PTPN12: variants seen among roughly 807,000 people sequenced by gnomAD.
PTPN12 encodes the protein protein tyrosine phosphatase non-receptor type 12.
A neutral mutation model predicts 97.6 loss-of-function variants in PTPN12; 29 were observed. The ratio of observed to expected loss-of-function variants is 0.30; its 90% CI spans 0.22 to 0.41. The LOEUF is 0.41. Ranked by LOEUF, PTPN12 falls within the 10% of genes least tolerant of loss-of-function variation. The pLI, the probability that PTPN12 is intolerant of heterozygous loss-of-function variation, is 1.00. For synonymous variants in PTPN12, 327 were observed against 300.4 expected (o/e 1.09, Z -0.91); for missense variants, 819 against 926.0 (o/e 0.88, Z 1.50).
chr7:77,599,928 G>C (rs776409722), intron 7 of PTPN12, among the ~76,000 whole-genome samples: 1 of 151,968 alleles, frequency 6.6e-6, no homozygotes, highest in Non-Finnish European at 1.5e-5. Context: ...TGTTTCTGGG[G>C]GTTGTATCTT....
At chr7:77,552,026 T>A (rs1807499991) in intron 1 of PTPN12, among the ~76,000 whole-genome samples, 1 of 152,232 alleles carries the variant, frequency 6.6e-6, no homozygotes. Flanking sequence ...GTTCAGATAT[T>A]TATCTCCACA....
chr7:77,555,775 C>T (rs990209025), intron 1 of PTPN12, among the ~76,000 whole-genome samples: 3 of 151,840 alleles, frequency 2.0e-5, no homozygotes, highest in Non-Finnish European at 2.9e-5. Flanking sequence ...ATTAGCTGGG[C>T]GTGGTGGTGG....
Position 77,626,991 on chromosome 7 carries a change from A to T in PTPN12, c.1312A>T (p.Ile438Phe). ...KKLERNLSFE[I>F]KKVPLQEGPK... ...ATTGGAACGAAATTTAAGTTTTGAG[A>T]TTAAGAAGGTCCCTCTCCAAGAGGG... Residue 438 changes from isoleucine to phenylalanine, a missense_variant, in exon 13 of 18, where the codon ATT becomes TTT. Physicochemically the swap from Ile to Phe is conservative, Grantham distance 21 (BLOSUM62 0). This residue lies in a region of PTPN12 where 607 missense variants were observed against 577.3 expected (regional missense o/e 1.05). Transcript: ENST00000248594. 1 of 1,609,878 alleles carries T rather than the reference A, an allele frequency of 6.2e-7. No individual in the cohort carries two copies. The highest frequency in any genetic ancestry group is 8.5e-7 in the Non-Finnish European group (1 of 1,178,748).
chr7:77,613,369 T>G (rs1345592228), intron 11 of PTPN12, among the ~76,000 whole-genome samples: 1 of 150,914 alleles, frequency 6.6e-6, no homozygotes, highest in African/African-American at 2.4e-5. Flanking sequence ...GAGACAGGGT[T>G]TCACCATGTT....
chr7:77,555,681 GAGGTGGGTGGATCGTGAGGTC>G (rs1438264198), intron 1 of PTPN12, among the ~76,000 whole-genome samples: 1 of 152,184 alleles, frequency 6.6e-6, no homozygotes, highest in Non-Finnish European at 1.5e-5. Context: ...TTGGGAGGCA[GAGGTGGGTGGATCGTGAGGTC>G]ATGAGATCGA....
rs11341609 is a variant in PTPN12, at chr7:77,582,084, CTTTTTTTTTTTT to C, written c.285+598_285+609del. Among the ~76,000 whole-genome samples, 108 of 52,882 alleles carry C rather than the reference CTTTTTTTTTTTT, an allele frequency of 2.0e-3. No homozygotes were observed. The Middle Eastern group carries it at 0.047, about 23-fold the overall frequency. 34.7% of individuals were successfully genotyped at this position (52,882 alleles called of 152,430 possible). The stretch of plus-strand genomic sequence containing the variant: ...CCCTTTGATGAAAAGCAGTCAAGTT[CTTTTTTTTTTTT>C]TTTTTTTTTTTTTTTTGAGACGGAG... On this transcript the variant is annotated intron_variant, in intron 3 of 17. Transcript: ENST00000248594.
intron 12 of PTPN12, among the ~76,000 whole-genome samples, chr7:77,626,368 A>C (rs1209114628): frequency 5.3e-5 from 8 of 152,208 alleles, no homozygotes; most frequent in Non-Finnish European, 1.0e-4. Context: ...AAATGTGTGA[A>C]ACAAAGATCA....
intron 9 of PTPN12, among the ~76,000 whole-genome samples, chr7:77,609,421 G>A (rs1403243770): frequency 1.3e-5 from 2 of 151,108 alleles, no homozygotes; most frequent in African/African-American, 4.8e-5. Flanking sequence ...ACATGCACGC[G>A]GCACCATGCC....
intron 2 of PTPN12, among the ~76,000 whole-genome samples, chr7:77,578,868 A>G (rs537221547): frequency 5.9e-5 from 9 of 152,290 alleles, no homozygotes; most frequent in African/African-American, 1.7e-4. Flanking sequence ...TCAAATACTT[A>G]CTAACTATAA....
At chr7:77,606,820 CA>C (rs1388666190) in intron 8 of PTPN12, 28 of 163,054 alleles carry the variant, frequency 1.7e-4, no homozygotes, top group African/African-American at 6.5e-4. Flanking sequence ...GTAGATACTG[CA>C]GTTACCAGAT....
intron 1 of PTPN12, among the ~76,000 whole-genome samples, chr7:77,551,242 G>A (rs1807464979): frequency 6.6e-6 from 1 of 152,010 alleles, no homozygotes; most frequent in Non-Finnish European, 1.5e-5. Flanking sequence ...TGTATTTTTA[G>A]TATAGACAAG....
chr7:77,612,553 C>T (rs1291813578), intron 11 of PTPN12, among the ~76,000 whole-genome samples: 3 of 152,116 alleles, frequency 2.0e-5, no homozygotes, highest in Non-Finnish European at 4.4e-5. Flanking sequence ...ATTCTCCTGC[C>T]TCAGCCTCCC....
intron 5 of PTPN12, among the ~76,000 whole-genome samples, chr7:77,589,379 A>C (rs1787794498): frequency 6.6e-6 from 1 of 152,198 alleles, no homozygotes; most frequent in Non-Finnish European, 1.5e-5. Context: ...GTAGGAGGTA[A>C]TGATATATTT....
intron 1 of PTPN12, among the ~76,000 whole-genome samples, chr7:77,569,225 T>C (rs2151316535): frequency 6.6e-6 from 1 of 152,304 alleles, no homozygotes; most frequent in East Asian, 1.9e-4. Context: ...TGCAAATGTT[T>C]TTATTTCTTT....
chr7:77,592,289 G>C, intron 6 of PTPN12, 33 bp downstream of exon 6: 1 of 1,534,846 alleles, frequency 6.5e-7, no homozygotes, highest in Non-Finnish European at 9.0e-7. Context: ...ACTTTTTTCA[G>C]AAAATTGGCA....
At chr7:77,595,736 T>A (rs1788002756) in intron 6 of PTPN12, among the ~76,000 whole-genome samples, 1 of 152,318 alleles carries the variant, frequency 6.6e-6, no homozygotes, top group African/African-American at 2.4e-5. Flanking sequence ...ACTGTAATTT[T>A]AAAAATTAAA....
intron 5 of PTPN12, 77 bp downstream of exon 5, chr7:77,585,658 C>A: frequency 7.6e-7 from 1 of 1,315,048 alleles, no homozygotes; most frequent in Non-Finnish European, 1.1e-6. Context: ...ATAGTCTTAA[C>A]ATAAGCGGTT....
At chr7:77,603,679 C>T (rs1388800509) in intron 8 of PTPN12, among the ~76,000 whole-genome samples, 1 of 152,148 alleles carries the variant, frequency 6.6e-6, no homozygotes, top group Non-Finnish European at 1.5e-5. Context: ...AGCACATCTG[C>T]AGTTATTAGG....
At chr7:77,609,191 A>G (rs1474250168) in intron 9 of PTPN12, among the ~76,000 whole-genome samples, 1 of 152,066 alleles carries the variant, frequency 6.6e-6, no homozygotes, top group Non-Finnish European at 1.5e-5. Context: ...TTGCACTGCA[A>G]ACTGGGTGAC....
Sources: allele counts gnomAD v4.1 joint callset (sites outside exome capture counted in the v4.1 genomes callset), GRCh38; gene constraint gnomAD v4.1.1; regional missense constraint gnomAD v4.1.1; transcripts MANE v1.5; gene names NCBI Gene and HGNC (gene_info 2026-07-23, HGNC 2026-07-21).